Variants in LRRC37B observed in about 807,000 individuals in gnomAD.
LRRC37B encodes leucine-rich repeat-containing protein 37B.
A neutral mutation model predicts 98.3 loss-of-function variants in LRRC37B; 28 were observed. That is an observed-to-expected ratio of 0.28 (90% CI 0.21 to 0.39). The LOEUF (loss-of-function observed/expected upper bound fraction) is 0.39. Ranked by LOEUF, LRRC37B falls within the 10% of genes least tolerant of loss-of-function variation. The pLI is 1.00. For synonymous variants in LRRC37B, 364 were observed against 442.7 expected, an observed-to-expected ratio of 0.82 and a Z score of 2.23; for missense variants, 938 against 1,182.7, an observed-to-expected ratio of 0.79 and a Z score of 3.03.
chr17:32,013,865 A>G (rs1213634909), intron 1 of LRRC37B, among the ~76,000 whole-genome samples: 1 of 152,186 alleles, frequency 6.6e-6, no homozygotes, highest in African/African-American at 2.4e-5. Flanking sequence ...ATATCTATAT[A>G]CATATACAAT....
intron 7 of LRRC37B, chr17:32,045,356 T>C (rs1911543173): frequency 4.9e-6 from 1 of 205,242 alleles, no homozygotes; most frequent in Non-Finnish European, 9.9e-6. Context: ...GGGGGCTTAT[T>C]CAGACTCTTC....
chr17:32,022,427 A>G lies in LRRC37B; in HGVS notation c.1362A>G (p.Thr454=), dbSNP rs776721846. The G allele has an allele frequency of 3.1e-6, 5 of 1,612,660 alleles. No individual in the cohort carries two copies. In the African/African-American group the frequency reaches 4.0e-5, roughly 13 times the overall value. Residue 454 remains threonine (T), a synonymous_variant, in exon 1 of 12, where the codon ACA becomes ACG. Coordinates refer to ENST00000327564, the Ensembl canonical transcript of LRRC37B. ...TGGACCTGGAGCTTAGCATAACTAC[A>G]GAGCCTACTACAGAGGTTAAACCGT... is the stretch of plus-strand genomic sequence containing the variant.
intron 1 of LRRC37B, among the ~76,000 whole-genome samples, chr17:32,011,364 C>A (rs541986172): frequency 2.0e-5 from 3 of 151,930 alleles, no homozygotes; most frequent in Admixed American, 2.0e-4. Context: ...TTTGATTTTT[C>A]TTTCTTTCTT....
At chr17:32,039,234 C>T (rs1911334662) in intron 7 of LRRC37B, among the ~76,000 whole-genome samples, 1 of 151,436 alleles carries the variant, frequency 6.6e-6, no homozygotes, top group Admixed American at 6.6e-5. Context: ...GCCTCGTTCT[C>T]CCAGAGTGCT....
intron 7 of LRRC37B, 96 bp downstream of exon 10, chr17:32,035,735 A>T (rs1007045791): frequency 9.3e-6 from 12 of 1,292,602 alleles, no homozygotes; most frequent in Non-Finnish European, 1.2e-5. Context: ...TTTAATTTTC[A>T]TATAACATTC....
upstream of LRRC37B, among the ~76,000 whole-genome samples, chr17:32,016,250 T>C (rs1024132647): frequency 5.9e-5 from 9 of 152,184 alleles, no homozygotes; most frequent in Admixed American, 3.9e-4. Flanking sequence ...ATTCCTCCAT[T>C]AAGGTAATAA....
chr17:32,030,310 C>T (rs1207223372), intron 3 of LRRC37B, among the ~76,000 whole-genome samples: 1 of 151,854 alleles, frequency 6.6e-6, no homozygotes, highest in Non-Finnish European at 1.5e-5. Flanking sequence ...AAATGTGAGG[C>T]TATTCGTTTT....
chr17:32,050,578 T>C (rs1911725110), intron 11 of LRRC37B: 1 of 161,332 alleles, frequency 6.2e-6, no homozygotes, highest in Admixed American at 6.1e-5. Flanking sequence ...GTATCATCCT[T>C]CTCCAGTGTG....
At chr17:32,043,278 TAACAA>T (rs1911494309) in intron 7 of LRRC37B, among the ~76,000 whole-genome samples, 1 of 152,158 alleles carries the variant, frequency 6.6e-6, no homozygotes, top group South Asian at 2.1e-4. Flanking sequence ...AGGAAGAGAA[TAACAA>T]AACCTTTGGG....
intron 11 of LRRC37B, 31 bp from the exon 15 acceptor site, chr17:32,053,235 A>G (rs1164376655): frequency 1.4e-5 from 21 of 1,529,380 alleles, no homozygotes; most frequent in Non-Finnish European, 1.8e-5. Context: ...GTTGTGATAG[A>G]TAACCTTAAT....
chr17:32,025,291 C>T (rs1156701733), intron 2 of LRRC37B, among the ~76,000 whole-genome samples: 3 of 151,144 alleles, frequency 2.0e-5, no homozygotes, highest in East Asian at 3.9e-4. Flanking sequence ...CCACCTTGGC[C>T]TCCTAAAGTG....
upstream of LRRC37B, among the ~76,000 whole-genome samples, chr17:32,018,476 T>C (rs1479852837): frequency 6.6e-6 from 1 of 152,222 alleles, no homozygotes; most frequent in East Asian, 1.9e-4. Context: ...AGGGTATTTC[T>C]GGGGCTTTTC....
At position 32,033,206 on chromosome 17, in the gene LRRC37B, T is replaced by C. The variant is rs188164097; in HGVS notation, c.2058-1704T>C. Among the ~76,000 whole-genome samples the C allele has an allele frequency of 2.0e-4, 30 of 152,066 alleles. No homozygotes were observed. The East Asian group carries it at 5.8e-3, about 30-fold the overall frequency. On this transcript the variant is annotated intron_variant, in intron 5 of 11. Transcript: ENST00000327564. The stretch of plus-strand genomic sequence containing the variant: ...GTTGGTCAGGCTGGTCTGGAACTCC[T>C]GACCTCAGATGATCCACCCGCCTGG...
At chr17:32,022,890 GCCTTC>G (rs925616071) in intron 1 of LRRC37B, 65 bp downstream of exon 4, 29 of 1,484,406 alleles carry the variant, frequency 2.0e-5, no homozygotes. Context: ...TTTCCTGGAG[GCCTTC>G]CTGGGCCTTC....
chr17:32,044,079 C>G (rs1209391443), intron 7 of LRRC37B, among the ~76,000 whole-genome samples: 2 of 151,298 alleles, frequency 1.3e-5, no homozygotes, highest in Non-Finnish European at 2.9e-5. Context: ...GGATTTAAGC[C>G]TAGTCTGGCT....
chr17:32,047,522 C>T (rs1911621506), intron 8 of LRRC37B: 2 of 553,992 alleles, frequency 3.6e-6, no homozygotes, highest in Non-Finnish European at 6.4e-6. Context: ...CGGAATAATC[C>T]TAAGCAGAGT....
chr17:32,024,402 G>A, intron 1 of LRRC37B: 2 of 597,516 alleles, frequency 3.3e-6, no homozygotes, highest in Non-Finnish European at 6.1e-6. Context: ...ATTTGTAGGA[G>A]TTTGTTTAGA....
intron 11 of LRRC37B, chr17:32,052,568 A>T (rs914730941): frequency 6.6e-6 from 1 of 152,238 alleles, no homozygotes; most frequent in Non-Finnish European, 1.5e-5. Context: ...ACATCTTCAG[A>T]TTCAACTAGA....
At chr17:32,011,290 C>T (rs149964895) in intron 1 of LRRC37B, among the ~76,000 whole-genome samples, 5 of 152,138 alleles carry the variant, frequency 3.3e-5, no homozygotes, top group East Asian at 1.9e-4. Context: ...CCACCATGCC[C>T]GGCCCGGATT....
Sources: gnomAD v4.1 joint callset for allele counts (sites outside exome capture counted in the v4.1 genomes callset) on GRCh38, gnomAD v4.1.1 for gene constraint, MANE v1.5 for transcripts, NCBI Gene and HGNC (gene_info 2026-07-23, HGNC 2026-07-21) for gene names.